The following DLG2 variants were observed in gnomAD, a reference collection of about 807,000 sequenced individuals.
The protein encoded by DLG2 is discs large MAGUK scaffold protein 2.
Under a neutral mutation model 132.5 loss-of-function variants are expected in DLG2, and 45 were observed. That is an observed-to-expected ratio of 0.34 (90% CI 0.27 to 0.44). DLG2 has a LOEUF of 0.44. DLG2 is among the 20% of genes least tolerant of loss of function. DLG2 has a pLI of 1.00. For missense variants in DLG2, 1,045 were observed against 1,196.9 expected, an observed-to-expected ratio of 0.87 and a Z score of 1.87; for synonymous variants, 424 against 419.6, an observed-to-expected ratio of 1.01 and a Z score of -0.13.
rs540710349 is a variant in DLG2, at chr11:85,588,779, C to T, written c.40+9878G>A. On this transcript the variant is annotated intron_variant, in intron 3 of 27. Transcript: ENST00000376104. ...CCTCATCTTGTCATATTTTCTGATT[C>T]CTTCTCATTTGGGTAGACTATTTCA... is the stretch of plus-strand genomic sequence containing the variant. 1.2e-4 allele frequency among the ~76,000 whole-genome samples: 19 copies of T among 152,050 alleles called. 2 individuals carry two copies. The South Asian group carries it at 3.9e-3, about 32-fold the overall frequency.
At chr11:84,619,633 A>G (rs1443815271) in intron 6 of DLG2, among the ~76,000 whole-genome samples, 1 of 151,730 alleles carries the variant, frequency 6.6e-6, no homozygotes, top group African/African-American at 2.4e-5. Flanking sequence ...GAGAAAAATC[A>G]TGATCATCTC....
At chr11:85,411,902 G>T (rs994702987) in intron 3 of DLG2, among the ~76,000 whole-genome samples, 1 of 151,842 alleles carries the variant, frequency 6.6e-6, no homozygotes, top group African/African-American at 2.4e-5. Flanking sequence ...TCTGACTGCA[G>T]TGTCTTTTCT....
intron 4 of DLG2, among the ~76,000 whole-genome samples, chr11:85,195,770 C>T (rs1440193926): frequency 1.3e-5 from 2 of 152,090 alleles, no homozygotes; most frequent in Non-Finnish European, 2.9e-5. Flanking sequence ...TCGTGATCCG[C>T]CCGCCTCGGC....
rs528526472 is a variant in DLG2, at chr11:84,410,740, C to T, written c.519+123830G>A. Among the ~76,000 whole-genome samples, 27 of 151,818 alleles carry T rather than the reference C, an allele frequency of 1.8e-4. No individual in the cohort carries two copies. The South Asian group carries it at 2.7e-3, about 15-fold the overall frequency. ...AATTACAGGTGCCCACCACCATGCC[C>T]GGCTAATTTTTGTATTTTTAGTAGA... is the stretch of plus-strand genomic sequence containing the variant. On this transcript the variant is annotated intron_variant, in intron 7 of 27. Transcript: ENST00000376104.
intron 6 of DLG2, among the ~76,000 whole-genome samples, chr11:84,773,999 C>G (rs770199547): frequency 1.3e-5 from 2 of 152,124 alleles, no homozygotes; most frequent in Non-Finnish European, 2.9e-5. Context: ...CAAACTCTCT[C>G]TCTTCGCTGA....
chr11:84,291,946 C>G (rs2098006058), intron 7 of DLG2, among the ~76,000 whole-genome samples: 1 of 152,120 alleles, frequency 6.6e-6, no homozygotes, highest in Non-Finnish European at 1.5e-5. Flanking sequence ...CAAATGCTTA[C>G]AGGTTCTAAA....
chr11:84,649,606 G>T (rs531177965), intron 6 of DLG2, among the ~76,000 whole-genome samples: 1 of 152,288 alleles, frequency 6.6e-6, no homozygotes, highest in South Asian at 2.1e-4. Flanking sequence ...GAAAATCAAG[G>T]TACTGCATTT....
At chr11:84,297,173 T>C (rs2154379350) in intron 7 of DLG2, among the ~76,000 whole-genome samples, 1 of 150,220 alleles carries the variant, frequency 6.7e-6, no homozygotes, top group Admixed American at 6.6e-5. Context: ...ATTAATATAT[T>C]AGCCTGTCTG....
At position 84,781,353 on chromosome 11, in the gene DLG2, TAGTTAAGGG is replaced by T. The variant is rs1436159384; in HGVS notation, c.358-246631_358-246623del. Among the ~76,000 whole-genome samples, 148 of 152,164 alleles carry T rather than the reference TAGTTAAGGG, an allele frequency of 9.7e-4. 3 individuals carry two copies. The highest frequency in any genetic ancestry group is 3.4e-3 in the African/African-American group (140 of 41,538). On this transcript the variant is annotated intron_variant, in intron 6 of 27. Coordinates refer to ENST00000376104, the MANE Select transcript of DLG2 (RefSeq NM_001142699.3). The stretch of plus-strand genomic sequence containing the variant: ...AATACCTGTAGGTAAACTGAGAAGT[TAGTTAAGGG>T]TTTTCTGATTGCTTTTTGCTGTTAT...
At chr11:83,987,735 A>G (rs1187515158) in intron 11 of DLG2, among the ~76,000 whole-genome samples, 1 of 152,164 alleles carries the variant, frequency 6.6e-6, no homozygotes, top group Non-Finnish European at 1.5e-5. Flanking sequence ...ACCTAAAACC[A>G]TAAAAACCCT....
intron 18 of DLG2, among the ~76,000 whole-genome samples, chr11:83,771,216 T>C (rs1215996915): frequency 6.6e-6 from 1 of 152,232 alleles, no homozygotes; most frequent in Non-Finnish European, 1.5e-5. Flanking sequence ...GTGTTTCTTT[T>C]AGAATGCTCT....
chr11:83,821,116 T>C (rs1251622276), intron 17 of DLG2, among the ~76,000 whole-genome samples: 1 of 152,224 alleles, frequency 6.6e-6, no homozygotes, highest in African/African-American at 2.4e-5. Flanking sequence ...ATAACGCTTA[T>C]GCTTACTGAC....
chr11:84,995,698 C>T (rs1016566989), intron 6 of DLG2, among the ~76,000 whole-genome samples: 1 of 151,712 alleles, frequency 6.6e-6, no homozygotes, highest in African/African-American at 2.4e-5. Context: ...TAATAGAGCC[C>T]AACTTAAAGT....
At chr11:83,794,354 C>T (rs1196779934) in intron 17 of DLG2, among the ~76,000 whole-genome samples, 2 of 150,912 alleles carry the variant, frequency 1.3e-5, no homozygotes, top group East Asian at 3.9e-4. Flanking sequence ...GAACAAATAA[C>T]ATTTTCAAGT....
chr11:84,824,149 C>G (rs1328625348), intron 6 of DLG2, among the ~76,000 whole-genome samples: 1 of 151,908 alleles, frequency 6.6e-6, no homozygotes, highest in Non-Finnish European at 1.5e-5. Context: ...TCCTAGCAAC[C>G]AAACACTTTG....
intron 6 of DLG2, among the ~76,000 whole-genome samples, chr11:84,667,742 G>A (rs970102610): frequency 5.3e-5 from 8 of 151,632 alleles, no homozygotes; most frequent in Admixed American, 1.3e-4. Context: ...CGAGTGATCC[G>A]CCCACCTCAT....
intron 6 of DLG2, among the ~76,000 whole-genome samples, chr11:85,094,669 T>G (rs2154177666): frequency 6.6e-6 from 1 of 152,320 alleles, no homozygotes; most frequent in African/African-American, 2.4e-5. Context: ...GGATTAGGCT[T>G]TGGTTTAAGG....
intron 6 of DLG2, among the ~76,000 whole-genome samples, chr11:85,019,120 T>C (rs1459601411): frequency 4.6e-5 from 7 of 152,212 alleles, no homozygotes; most frequent in Admixed American, 1.3e-4. Context: ...ACTGAACTTA[T>C]GTATGAATGA....
At chr11:83,846,394 G>A (rs936803618) in intron 16 of DLG2, among the ~76,000 whole-genome samples, 11 of 152,184 alleles carry the variant, frequency 7.2e-5, no homozygotes, top group Admixed American at 2.0e-4. Context: ...GTACTCAGGG[G>A]AGACTTTGTG....
Sources: allele counts gnomAD v4.1 joint callset (sites outside exome capture counted in the v4.1 genomes callset), GRCh38; gene constraint gnomAD v4.1.1; transcripts MANE v1.5; gene names NCBI Gene and HGNC (gene_info 2026-07-23, HGNC 2026-07-21).